Variants in AFF4 observed in about 807,000 individuals in gnomAD.
The protein encoded by AFF4 is AF4/FMR2 family member 4.
A neutral mutation model predicts 124.8 loss-of-function variants in AFF4; 13 were observed. The observed-to-expected ratio is 0.10, with a 90% confidence interval of 0.07 to 0.17. The LOEUF (loss-of-function observed/expected upper bound fraction) is 0.17, where lower values mean the gene tolerates loss of function less well. Ranked by LOEUF, AFF4 falls within the 10% of genes least tolerant of loss-of-function variation. The pLI is 1.00. For missense variants in AFF4, 1,092 were observed against 1,403.8 expected (o/e 0.78, Z 3.55); for synonymous variants, 477 against 496.1 (o/e 0.96, Z 0.51).
chr5:132,930,933 TA>T (rs775336427), intron 4 of AFF4, among the ~76,000 whole-genome samples: 16,024 of 78,498 alleles, frequency 0.2, 1,130 homozygotes, highest in Middle Eastern at 0.27. Flanking sequence ...CTATCTCTAC[TA>T]AAAAAAAAAA....
chr5:132,902,157 C>T (rs529612092), intron 7 of AFF4, among the ~76,000 whole-genome samples: 89 of 152,270 alleles, frequency 5.8e-4, no homozygotes, highest in African/African-American at 2.1e-3. Context: ...AAGTAATTCT[C>T]CTGCCTCAGC....
chr5:132,917,287 A>G (rs1481646394), intron 5 of AFF4, among the ~76,000 whole-genome samples: 2 of 152,124 alleles, frequency 1.3e-5, no homozygotes, highest in African/African-American at 4.8e-5. Flanking sequence ...TCATTCCAAT[A>G]GATTTAAAAA....
intron 6 of AFF4, 185 bp downstream of exon 6, chr5:132,904,183 G>A (rs1581286587): frequency 2.0e-6 from 1 of 500,084 alleles, no homozygotes; most frequent in African/African-American, 1.9e-5. Context: ...CTTGAGCCCT[G>A]GAGATCGAGG....
chr5:132,881,827 G>GTT (rs749611038), intron 20 of AFF4, among the ~76,000 whole-genome samples: 43 of 130,156 alleles, frequency 3.3e-4, no homozygotes, highest in Admixed American at 3.9e-4. Context: ...ATACAAAAAA[G>GTT]TTTTTTTTTT....
At chr5:132,931,106 C>CAAAA (rs35923089) in intron 4 of AFF4, among the ~76,000 whole-genome samples, 1 of 96,838 alleles carries the variant, frequency 1.0e-5, no homozygotes, top group Admixed American at 1.1e-4. Flanking sequence ...AACTCTGGCT[C>CAAAA]AAAAAAAAAA....
chr5:132,909,370 T>C (rs1282594581), intron 5 of AFF4, among the ~76,000 whole-genome samples: 1 of 152,130 alleles, frequency 6.6e-6, no homozygotes, highest in Non-Finnish European at 1.5e-5. Flanking sequence ...CTTGAACTCC[T>C]GATCTCAGGT....
At chr5:132,933,161 G>A (rs1761339166) in intron 3 of AFF4, among the ~76,000 whole-genome samples, 1 of 151,028 alleles carries the variant, frequency 6.6e-6, no homozygotes, top group African/African-American at 2.4e-5. Context: ...ACTTTGCGAG[G>A]CCGAGGCGGG....
chr5:132,960,797 T>C (rs1394917870), intron 1 of AFF4, among the ~76,000 whole-genome samples: 1 of 152,142 alleles, frequency 6.6e-6, no homozygotes, highest in Non-Finnish European at 1.5e-5. Context: ...GAGGAATAAA[T>C]ATAGTACTTC....
chr5:132,952,231 G>A (rs556430781), intron 1 of AFF4, among the ~76,000 whole-genome samples: 40 of 152,286 alleles, frequency 2.6e-4, no homozygotes, highest in Admixed American at 1.8e-3. Flanking sequence ...AATGCCGTCC[G>A]TATCCAATCA....
chr5:132,877,837 C>T lies in AFF4; in HGVS notation c.*3222G>A, dbSNP rs758637972. 9.2e-5 allele frequency: 20 copies of T among 217,524 alleles called. No individual in the cohort carries two copies. Among genetic ancestry groups the T allele is most frequent in the African/African-American group, 2.3e-4 (10 of 44,384 alleles). 13.5% of individuals were successfully genotyped at this position (217,524 alleles called of 1,614,324 possible). A position where few individuals can be genotyped will look rare whatever the true frequency, so the allele number is the denominator to read the frequency against. On this transcript the variant is annotated 3_prime_UTR_variant, in exon 21 of 21. Transcript: ENST00000265343. Reference sequence around the variant, plus strand: ...TGATTAAACCTTTAATGAAAAGAAACGAACAACAATTTTTTAAAAACTAGT... The same window carrying T: ...TGATTAAACCTTTAATGAAAAGAAATGAACAACAATTTTTTAAAAACTAGT...
At chr5:132,897,289 T>A (rs751673946) in intron 10 of AFF4, 49 bp from the exon 11 acceptor site, 5 of 1,563,998 alleles carry the variant, frequency 3.2e-6, no homozygotes, top group Non-Finnish European at 4.3e-6. Flanking sequence ...GAATGCTTTT[T>A]TCGTTCTCCC....
intron 5 of AFF4, among the ~76,000 whole-genome samples, chr5:132,925,049 C>T (rs1761137398): frequency 6.6e-6 from 1 of 151,948 alleles, no homozygotes; most frequent in Non-Finnish European, 1.5e-5. Flanking sequence ...GTGGCGGGCA[C>T]CTGTAGTCCC....
chr5:132,940,959 G>A (rs546363244), intron 1 of AFF4, among the ~76,000 whole-genome samples: 2 of 151,844 alleles, frequency 1.3e-5, no homozygotes, highest in South Asian at 2.1e-4. Flanking sequence ...CTCAGGAGGC[G>A]GAGGTTGCAG....
At chr5:132,889,260 G>T in intron 13 of AFF4, 87 bp from the exon 14 acceptor site, 4 of 890,926 alleles carry the variant, frequency 4.5e-6, no homozygotes, top group East Asian at 2.7e-5. Context: ...CTGGTAAAAA[G>T]GAAACAAAAT....
intron 1 of AFF4, among the ~76,000 whole-genome samples, chr5:132,948,034 C>T (rs964172129): frequency 6.6e-6 from 1 of 152,132 alleles, no homozygotes; most frequent in African/African-American, 2.4e-5. Flanking sequence ...CTCAACTCGT[C>T]CCTCAAAGTT....
rs1322444619 is a variant in AFF4, at chr5:132,878,616, T to C, written c.*2443A>G. On this transcript the variant is annotated 3_prime_UTR_variant, in exon 21 of 21. Transcript: ENST00000265343. ...CACTATGACATTGAAAATTCAATCA[T>C]TTATGATAGGATTTTGATCCATTGC... 1 of 229,018 alleles carries C rather than the reference T, an allele frequency of 4.4e-6. No individual in the cohort carries two copies. Among genetic ancestry groups the C allele is most frequent in the African/African-American group, 2.2e-5 (1 of 45,052 alleles). The allele number at this position is 229,018 out of a possible 1,614,324, so 14.2% of individuals were successfully genotyped here.
rs1581277758 is a variant in AFF4, at chr5:132,896,346, T to G, written c.2284A>C (p.Asn762His). The change falls in exon 11 of 21, where the codon AAC becomes CAC. Residue 762 changes from asparagine to histidine, a missense_variant. Around this residue, in one of 11 missense-constraint regions of AFF4, gnomAD observed 293 missense variants for 280.2 expected, o/e 1.05. Transcript: ENST00000265343. Reference protein sequence around the residue: ...AQKQASEKVSNKGKRKHKNED... With the variant: ...AQKQASEKVSHKGKRKHKNED... ...ACCTTATGCTTCCTCTTGCCTTTGT[T>G]GGAAACTTTTTCTGAGGCTTGTTTC... is the stretch of plus-strand genomic sequence containing the variant. The G allele has an allele frequency of 6.3e-7, 1 of 1,596,494 alleles. No homozygotes were observed. Among genetic ancestry groups the G allele is most frequent in the South Asian group, 1.1e-5 (1 of 87,458 alleles).
intron 11 of AFF4, among the ~76,000 whole-genome samples, chr5:132,895,283 A>C (rs1389027248): frequency 6.6e-6 from 1 of 152,234 alleles, no homozygotes; most frequent in Non-Finnish European, 1.5e-5. Flanking sequence ...GGACAATTTC[A>C]ATTTTTAAAG....
intron 17 of AFF4, 84 bp downstream of exon 17, chr5:132,887,437 G>A: frequency 2.3e-6 from 3 of 1,278,308 alleles, no homozygotes; most frequent in Non-Finnish European, 3.4e-6. Flanking sequence ...TCTGATTCAA[G>A]GAAAACATTC....
Sources: gnomAD v4.1 joint callset for allele counts (sites outside exome capture counted in the v4.1 genomes callset) on GRCh38, gnomAD v4.1.1 for gene constraint, gnomAD v4.1.1 regional missense constraint, MANE v1.5 for transcripts, NCBI Gene and HGNC (gene_info 2026-07-23, HGNC 2026-07-21) for gene names.